GALNT9: variants seen among roughly 807,000 people sequenced by gnomAD.
The protein encoded by GALNT9 is GalNAc transferase 9.
GALNT9 carries 47 observed loss-of-function variants against 63.1 expected under a neutral mutation model. The ratio of observed to expected loss-of-function variants is 0.75; its 90% CI spans 0.59 to 0.95. The LOEUF (loss-of-function observed/expected upper bound fraction) is 0.95, where lower values mean the gene tolerates loss of function less well. Among genes scored for constraint, GALNT9 ranks in the 40% least tolerant of loss-of-function variants. GALNT9 has a pLI of 0.00. For missense variants in GALNT9, 829 were observed against 874.8 expected (o/e 0.95, Z 0.66); for synonymous variants, 396 against 365.7 (o/e 1.08, Z -0.94).
At chr12:132,202,964 CCACGGA>C (rs1876289092) in intron 7 of GALNT9, among the ~76,000 whole-genome samples, 1 of 152,202 alleles carries the variant, frequency 6.6e-6, no homozygotes, top group Admixed American at 6.5e-5. Flanking sequence ...AAACGTCCAT[CCACGGA>C]CGAGTGGATC....
At chr12:132,284,893 T>C (rs1172435130) in intron 2 of GALNT9, among the ~76,000 whole-genome samples, 13 of 152,320 alleles carry the variant, frequency 8.5e-5, no homozygotes, top group African/African-American at 3.1e-4. Context: ...CCCTGGACCC[T>C]GCGGGCCTGT....
chr12:132,241,083 T>G (rs1555237027), intron 6 of GALNT9, among the ~76,000 whole-genome samples: 15 of 132,562 alleles, frequency 1.1e-4, no homozygotes, highest in South Asian at 2.3e-4. Flanking sequence ...CCACACACCC[T>G]TCCCGGGGCC....
At chr12:132,257,998 C>T in intron 4 of GALNT9, 112 bp from the exon 5 acceptor site, 2 of 706,774 alleles carry the variant, frequency 2.8e-6, no homozygotes, top group Non-Finnish European at 4.7e-6. Flanking sequence ...TGCATCTAGC[C>T]CTGCCACCCC....
chr12:132,312,955 T>G (rs1173871840), intron 1 of GALNT9, among the ~76,000 whole-genome samples: 4 of 152,114 alleles, frequency 2.6e-5, no homozygotes, highest in Non-Finnish European at 2.9e-5. Flanking sequence ...TCGTCTTCTC[T>G]CGTAGTCCAG....
chr12:132,244,092 G>A (rs1393645156), intron 6 of GALNT9, among the ~76,000 whole-genome samples: 1 of 149,622 alleles, frequency 6.7e-6, no homozygotes, highest in Non-Finnish European at 1.5e-5. Flanking sequence ...GCCTCGGGCC[G>A]GCCACTCGGA....
chr12:132,225,026 AC>A (rs1370345457), intron 6 of GALNT9, among the ~76,000 whole-genome samples: 898 of 62,304 alleles, frequency 0.014, 10 homozygotes, highest in African/African-American at 0.053. Flanking sequence ...CCCCCCACAC[AC>A]CACATAACCC....
intron 6 of GALNT9, chr12:132,240,762 A>C: frequency 2.2e-6 from 1 of 455,424 alleles, no homozygotes; most frequent in Admixed American, 2.4e-5. Flanking sequence ...CACCAGCAGA[A>C]TTGGAATGTG....
In GALNT9 at chr12:132,327,335, C is replaced by T. The variant is rs1202677833; in HGVS notation, c.238+1631G>A. ...TTTCCCGGAATGCTTCCTTATCTCC[C>T]GCCAATGTCAGCAAAGCGGATCATG... On this transcript the variant is annotated intron_variant, in intron 1 of 10. Transcript: ENST00000328957. The surrounding 1 kb of genome is among the most constrained non-coding windows in gnomAD (Gnocchi z 4.3). Among the ~76,000 whole-genome samples the T allele has an allele frequency of 9.2e-5, 14 of 151,962 alleles. No individual in the cohort carries two copies. Among genetic ancestry groups the T allele is most frequent in the East Asian group, 3.9e-4 (2 of 5,168 alleles).
At position 132,265,608 on chromosome 12, in the gene GALNT9, A is replaced by G. The variant is rs1879565700; in HGVS notation, c.420-2983T>C. On this transcript the variant is annotated intron_variant, in intron 2 of 10. Coordinates refer to ENST00000328957, the MANE Select transcript of GALNT9 (RefSeq NM_001122636.2). The surrounding 1 kb of genome is among the most constrained non-coding windows in gnomAD (Gnocchi z 5.3). Reference sequence around the variant, plus strand: ...TTGCAGCAGGCTTCGCAAGGTAAGCAGCCCCACAGGACACCAGCCGACAGC... The same window carrying G: ...TTGCAGCAGGCTTCGCAAGGTAAGCGGCCCCACAGGACACCAGCCGACAGC... Among the ~76,000 whole-genome samples the G allele has an allele frequency of 6.6e-6, 1 of 152,198 alleles. No homozygotes were observed. The highest frequency in any genetic ancestry group is 1.5e-5 in the Non-Finnish European group (1 of 68,038).
intron 1 of GALNT9, among the ~76,000 whole-genome samples, chr12:132,302,027 T>G (rs1416011692): frequency 6.6e-6 from 1 of 152,168 alleles, no homozygotes; most frequent in South Asian, 2.1e-4. Flanking sequence ...ATTTATTAAT[T>G]ACATATTTAG....
At chr12:132,326,041 G>T (rs1869022572) in intron 1 of GALNT9, among the ~76,000 whole-genome samples, 1 of 152,276 alleles carries the variant, frequency 6.6e-6, no homozygotes, top group African/African-American at 2.4e-5. Flanking sequence ...GCCTCGCATG[G>T]ACACAGGGGT....
chr12:132,314,439 C>T, intron 1 of GALNT9, among the ~76,000 whole-genome samples: 1 of 152,148 alleles, frequency 6.6e-6, no homozygotes, highest in Non-Finnish European at 1.5e-5. Flanking sequence ...CTCCATGATC[C>T]TGTCATGGAG....
At chr12:132,253,696 C>T (rs532123340) in intron 5 of GALNT9, among the ~76,000 whole-genome samples, 31 of 152,192 alleles carry the variant, frequency 2.0e-4, no homozygotes, top group Non-Finnish European at 4.0e-4. Context: ...TCTCTTGCCT[C>T]GGCACCTAGG....
At chr12:132,198,110 G>T in intron 9 of GALNT9, 151 bp from the exon 10 acceptor site, 1 of 660,064 alleles carries the variant, frequency 1.5e-6, no homozygotes, top group Non-Finnish European at 2.5e-6. Flanking sequence ...TTGCGGGCGG[G>T]AGAGGACCGC....
rs1426736449 is a variant in GALNT9, at chr12:132,265,793, C to T, written c.420-3168G>A. ...GCCTCGGAGGGGCCAGGGGCTTCTCCAGGACACTGTACACACAGTTACACT... is the reference window on the plus strand; with the variant it reads ...GCCTCGGAGGGGCCAGGGGCTTCTCTAGGACACTGTACACACAGTTACACT... On this transcript the variant is annotated intron_variant, in intron 2 of 10. Transcript: ENST00000328957. The surrounding 1 kb of genome is among the most constrained non-coding windows in gnomAD (Gnocchi z 5.3). Among the ~76,000 whole-genome samples, 1 of 152,226 alleles carries T rather than the reference C, an allele frequency of 6.6e-6. No homozygotes were observed. The highest frequency in any genetic ancestry group is 2.4e-5 in the African/African-American group (1 of 41,462).
At chr12:132,209,767 G>T (rs10751710) in intron 6 of GALNT9, among the ~76,000 whole-genome samples, 7 of 152,176 alleles carry the variant, frequency 4.6e-5, no homozygotes, top group South Asian at 2.1e-4. Flanking sequence ...CCCTCAGTTC[G>T]GGGAAATCCT....
At chr12:132,277,064 A>G (rs990411192) in intron 2 of GALNT9, among the ~76,000 whole-genome samples, 1 of 152,122 alleles carries the variant, frequency 6.6e-6, no homozygotes, top group Non-Finnish European at 1.5e-5. Flanking sequence ...CCTACATTCT[A>G]TGTGTGTTTC....
chr12:132,219,671 G>A (rs1209217437), intron 6 of GALNT9, among the ~76,000 whole-genome samples: 1 of 152,044 alleles, frequency 6.6e-6, no homozygotes, highest in African/African-American at 2.4e-5. Flanking sequence ...AAGGGGAAGG[G>A]GCACCTCCCC....
intron 4 of GALNT9, among the ~76,000 whole-genome samples, chr12:132,258,680 T>C (rs542423948): frequency 6.6e-6 from 1 of 152,042 alleles, no homozygotes; most frequent in Non-Finnish European, 1.5e-5. Context: ...GATGGGGCAA[T>C]GGGGGGCGAG....
Sources: gnomAD v4.1 joint callset for allele counts (sites outside exome capture counted in the v4.1 genomes callset) on GRCh38, gnomAD v4.1.1 for gene constraint, Gnocchi (gnomAD v3.1) non-coding constraint, MANE v1.5 for transcripts, NCBI Gene and HGNC (gene_info 2026-07-23, HGNC 2026-07-21) for gene names.